Variants in APBA2 observed in about 807,000 individuals in gnomAD.
The protein encoded by APBA2 is amyloid-beta A4 precursor protein-binding family A member 2.
A neutral mutation model predicts 75.0 loss-of-function variants in APBA2; 30 were observed. The observed-to-expected ratio is 0.40, with a 90% CI of 0.30 to 0.54. APBA2 has a LOEUF of 0.54. APBA2 is among the 20% of genes least tolerant of loss of function. The pLI is 0.49. For synonymous variants in APBA2, 444 were observed against 409.6 expected, an observed-to-expected ratio of 1.08 and a Z score of -1.01; for missense variants, 801 against 1,016.1, an observed-to-expected ratio of 0.79 and a Z score of 2.88.
intron 2 of APBA2, among the ~76,000 whole-genome samples, chr15:28,949,528 G>A (rs1283165018): frequency 6.6e-6 from 1 of 152,154 alleles, no homozygotes; most frequent in Non-Finnish European, 1.5e-5. Flanking sequence ...GAGTGCAGTG[G>A]CACGATTTCA....
At chr15:28,933,870 A>G (rs2034700253) in intron 2 of APBA2, among the ~76,000 whole-genome samples, 1 of 152,080 alleles carries the variant, frequency 6.6e-6, no homozygotes, top group Non-Finnish European at 1.5e-5. Flanking sequence ...GAGCGCAAGG[A>G]GGGGCTGCCC....
chr15:28,950,763 C>T (rs538381148), intron 2 of APBA2, among the ~76,000 whole-genome samples: 46 of 152,304 alleles, frequency 3.0e-4, no homozygotes, highest in Admixed American at 5.2e-4. Flanking sequence ...GTGGGGATAT[C>T]TGTATAAATT....
intron 6 of APBA2, among the ~76,000 whole-genome samples, chr15:29,092,713 T>C (rs1457789363): frequency 2.0e-5 from 3 of 152,018 alleles, no homozygotes; most frequent in Non-Finnish European, 2.9e-5. Flanking sequence ...CCAGCATGAG[T>C]TCCGGGGCTG....
chr15:29,115,145 A>G (rs985652012), intron 14 of APBA2, among the ~76,000 whole-genome samples: 1 of 148,762 alleles, frequency 6.7e-6, no homozygotes, highest in Non-Finnish European at 1.5e-5. Context: ...GGGACCGGGC[A>G]GGGAATTTGG....
At chr15:29,062,170 C>T (rs1292212549) in intron 4 of APBA2, among the ~76,000 whole-genome samples, 1 of 152,248 alleles carries the variant, frequency 6.6e-6, no homozygotes, top group Admixed American at 6.5e-5. Context: ...GTAGTCGGCT[C>T]CCTCCTTTCT....
intron 3 of APBA2, among the ~76,000 whole-genome samples, chr15:29,051,635 C>T (rs544271345): frequency 5.9e-5 from 9 of 152,202 alleles, no homozygotes; most frequent in African/African-American, 9.6e-5. Context: ...CTGCTGTAAC[C>T]GTGACCATCT....
chr15:28,957,748 G>T (rs1202121354), intron 2 of APBA2, among the ~76,000 whole-genome samples: 1 of 152,168 alleles, frequency 6.6e-6, no homozygotes, highest in African/African-American at 2.4e-5. Context: ...GAGGGCGACG[G>T]GTGGTGCTGT....
intron 2 of APBA2, among the ~76,000 whole-genome samples, chr15:28,960,734 A>G (rs1249428840): frequency 6.6e-6 from 1 of 151,038 alleles, no homozygotes; most frequent in African/African-American, 2.4e-5. Flanking sequence ...CACCCCTGGG[A>G]GAGGAACCAG....
intron 2 of APBA2, chr15:28,961,264 T>C (rs1181601772): frequency 1.3e-5 from 2 of 152,382 alleles, no homozygotes; most frequent in African/African-American, 4.8e-5. Flanking sequence ...ATTCCATGTA[T>C]AGGACGTTTC....
At chr15:28,975,948 A>G (rs1423668721) in intron 2 of APBA2, among the ~76,000 whole-genome samples, 1 of 152,228 alleles carries the variant, frequency 6.6e-6, no homozygotes, top group Non-Finnish European at 1.5e-5. Context: ...GTGCACCTGC[A>G]TAGACCCTGA....
Position 29,054,870 on chromosome 15 carries a change from G to GGGGC in APBA2, c.951+36_951+39dup. On this transcript the variant is annotated intron_variant, in intron 4 of 14. Coordinates refer to ENST00000683413, the MANE Select transcript of APBA2 (RefSeq NM_001353788.2). This position sits in a 1 kb window ranked among gnomAD's most constrained non-coding sequence, Gnocchi z 6.1. Reference sequence around the variant, plus strand: ...TGGCTGTCCTGGGGAAGGGAGCAGAGGGGCCCGAGAGCAAGGGACCTCAGG... The same window carrying GGGGC: ...TGGCTGTCCTGGGGAAGGGAGCAGAGGGGCGGGCCCGAGAGCAAGGGACCTCAGG... 1 of 1,577,012 alleles carries GGGGC rather than the reference G, an allele frequency of 6.3e-7. No homozygotes were observed. The highest frequency in any genetic ancestry group is 8.6e-7 in the Non-Finnish European group (1 of 1,167,330).
In APBA2 at chr15:29,106,744, C is replaced by T. The variant is rs199855567; in HGVS notation, c.1842C>T (p.Ile614=). The T allele has an allele frequency of 6.3e-5, 102 of 1,613,028 alleles. No individual in the cohort carries two copies. Among genetic ancestry groups the T allele is most frequent in the Admixed American group, 1.8e-4 (11 of 60,028 alleles). ...GPAARSGKLS[I]GDQIMSINGT... is the part of the protein sequence containing the mutation. ...CTGCCCGCTCGGGGAAGCTGAGCAT[C>T]GGGGACCAGATCATGTCCATCAATG... The change falls in exon 12 of 15, where the codon ATC becomes ATT. Residue 614 remains isoleucine, a synonymous_variant. Coordinates refer to ENST00000683413, the MANE Select transcript of APBA2 (RefSeq NM_001353788.2).
chr15:29,018,335 T>C (rs1286640299), intron 3 of APBA2, among the ~76,000 whole-genome samples: 1 of 152,198 alleles, frequency 6.6e-6, no homozygotes, highest in East Asian at 1.9e-4. Context: ...CGTTTTACTG[T>C]GCCGGGTGCC....
At chr15:29,094,707 T>C (rs2043762724) in intron 8 of APBA2, among the ~76,000 whole-genome samples, 1 of 152,210 alleles carries the variant, frequency 6.6e-6, no homozygotes, top group South Asian at 2.1e-4. Flanking sequence ...TTAAGCTTAA[T>C]TTACTAAGTC....
Position 28,886,160 on chromosome 15 carries a change from A to T in APBA2, c.-323A>T, listed in dbSNP as rs1335841723. On this transcript the variant is annotated 5_prime_UTR_variant, in exon 1 of 15. Transcript: ENST00000683413. ...GGAAGCTATTCAGCTTCCCGGGCTC[A>T]TTAGCAGTCGCGGTGTGCGGCTCGG... The T allele has an allele frequency of 6.6e-6, 1 of 150,596 alleles. No homozygotes were observed. The highest frequency in any genetic ancestry group is 1.5e-5 in the Non-Finnish European group (1 of 67,508). 9.3% of individuals were successfully genotyped at this position (150,596 alleles called of 1,614,324 possible). A position where few individuals can be genotyped will look rare whatever the true frequency, so the allele number is the denominator to read the frequency against.
chr15:29,052,142 TG>T (rs1339332728), intron 3 of APBA2, among the ~76,000 whole-genome samples: 1 of 152,002 alleles, frequency 6.6e-6, no homozygotes, highest in Non-Finnish European at 1.5e-5. Flanking sequence ...GACAAACATT[TG>T]GGGAAGCAAT....
chr15:28,901,798 C>T (rs2032870266), intron 1 of APBA2, among the ~76,000 whole-genome samples: 3 of 152,150 alleles, frequency 2.0e-5, no homozygotes, highest in African/African-American at 4.8e-5. Flanking sequence ...TTAGGGACGT[C>T]TCAGGAGTGA....
In APBA2 at chr15:28,996,849, G is replaced by A. The variant is rs565662898; in HGVS notation, c.-41+1043G>A. ...GGAACACCCCCCCTGCCTGACCAAG[G>A]CAAGGAACACTTTGTGTGTCCCAGT... is the stretch of plus-strand genomic sequence containing the variant. On this transcript the variant is annotated intron_variant, in intron 3 of 14. Coordinates refer to ENST00000683413, the MANE Select transcript of APBA2 (RefSeq NM_001353788.2). Among the ~76,000 whole-genome samples the A allele has an allele frequency of 3.4e-4, 52 of 152,304 alleles. 1 individual carries two copies. Among genetic ancestry groups the A allele is most frequent in the African/African-American group, 1.2e-3 (51 of 41,560 alleles).
intron 4 of APBA2, among the ~76,000 whole-genome samples, chr15:29,072,153 A>T (rs1240985924): frequency 6.6e-6 from 1 of 152,154 alleles, no homozygotes; most frequent in Non-Finnish European, 1.5e-5. Context: ...CCCAGCTTGC[A>T]GGAGGGATGT....
Sources: allele counts gnomAD v4.1 joint callset (sites outside exome capture counted in the v4.1 genomes callset), GRCh38; gene constraint gnomAD v4.1.1; non-coding constraint Gnocchi (gnomAD v3.1); transcripts MANE v1.5; gene names NCBI Gene and HGNC (gene_info 2026-07-23, HGNC 2026-07-21).